ELP4: variants seen among roughly 807,000 people sequenced by gnomAD.
ELP4 encodes elongator acetyltransferase complex subunit 4.
Under a neutral mutation model 48.9 loss-of-function variants are expected in ELP4, and 51 were observed. The ratio of observed to expected loss-of-function variants is 1.04; its 90% CI spans 0.83 to 1.32. The LOEUF (loss-of-function observed/expected upper bound fraction) is 1.32, where lower values mean the gene tolerates loss of function less well. Among genes scored for constraint, ELP4 ranks in the 40% most tolerant of loss-of-function variants. The pLI, the probability that ELP4 is intolerant of heterozygous loss-of-function variation, is 0.00. For synonymous variants in ELP4, 210 were observed against 189.2 expected, an observed-to-expected ratio of 1.11 and a Z score of -0.90; for missense variants, 519 against 514.6, an observed-to-expected ratio of 1.01 and a Z score of -0.08.
intron 3 of ELP4, among the ~76,000 whole-genome samples, chr11:31,577,335 C>G (rs1339988730): frequency 6.6e-6 from 1 of 152,176 alleles, no homozygotes; most frequent in Non-Finnish European, 1.5e-5. Context: ...GATGGATTAA[C>G]AGCCAAATTC....
chr11:31,560,536 C>T (rs182608109), intron 3 of ELP4, among the ~76,000 whole-genome samples: 8 of 151,638 alleles, frequency 5.3e-5, no homozygotes, highest in African/African-American at 1.9e-4. Flanking sequence ...ATATATACCC[C>T]TATACAGTAA....
At chr11:31,774,324 A>G (rs1592300530) in intron 9 of ELP4, among the ~76,000 whole-genome samples, 1 of 152,142 alleles carries the variant, frequency 6.6e-6, no homozygotes, top group African/African-American at 2.4e-5. Flanking sequence ...GGTGGCTCCC[A>G]TTTTCTGACC....
chr11:31,635,036 CT>C (rs1335787540), intron 7 of ELP4, among the ~76,000 whole-genome samples: 5 of 151,916 alleles, frequency 3.3e-5, no homozygotes, highest in Non-Finnish European at 7.4e-5. Flanking sequence ...TTCCCTTGCT[CT>C]TTGAACATAA....
intron 9 of ELP4, among the ~76,000 whole-genome samples, chr11:31,701,516 C>T (rs920921363): frequency 1.3e-5 from 2 of 151,786 alleles, no homozygotes; most frequent in African/African-American, 4.8e-5. Context: ...TCTTGGGGCA[C>T]AGATATTGTA....
chr11:31,759,733 G>A (rs1360613336), intron 9 of ELP4, among the ~76,000 whole-genome samples: 4 of 148,340 alleles, frequency 2.7e-5, no homozygotes, highest in East Asian at 3.9e-4. Flanking sequence ...TTGAGACGGA[G>A]TCTCGCTCTG....
At position 31,705,871 on chromosome 11, in the gene ELP4, G is replaced by A. The variant is rs1235542799; in HGVS notation, c.1143+55650G>A. ...TAAATTTTGTTTGTTTATTTTTTTA[G>A]AGACAGGGTCTTGCTCTGTCACCCA... On this transcript the variant is annotated intron_variant, in intron 9 of 9. Transcript: ENST00000640961. Among the ~76,000 whole-genome samples, 9 of 151,456 alleles carry A rather than the reference G, an allele frequency of 5.9e-5. No individual in the cohort carries two copies. The East Asian group carries it at 1.5e-3, about 26-fold the overall frequency.
chr11:31,529,633 A>G (rs926227896), intron 2 of ELP4, among the ~76,000 whole-genome samples: 3 of 152,210 alleles, frequency 2.0e-5, no homozygotes, highest in Admixed American at 6.5e-5. Flanking sequence ...CCTGCTTTAT[A>G]TCTGCTGGAT....
chr11:31,518,513 T>TC (rs1206526634), intron 1 of ELP4, among the ~76,000 whole-genome samples: 3 of 150,462 alleles, frequency 2.0e-5, no homozygotes, highest in Non-Finnish European at 4.4e-5. Flanking sequence ...TTTTTTTTTT[T>TC]CTGAAACAGA....
In ELP4 at chr11:31,533,368, C is replaced by CTTTTTTTTTTTTTTTTTTTTTTTTTTTTT. The variant is rs71060492; in HGVS notation, c.260-6267_260-6266insTTTTTTTTTTTTTTTTTTTTTTTTTTTTT. On this transcript the variant is annotated intron_variant, in intron 2 of 9. Transcript: ENST00000640961. ...GTGTTGCTGCAAAAGCCATCTCATT[C>CTTTTTTTTTTTTTTTTTTTTTTTTTTTTT]TTTTTTTTTTTTTTTTTTTTTTTTT... is the stretch of plus-strand genomic sequence containing the variant. 1.4e-4 allele frequency among the ~76,000 whole-genome samples: 7 copies of CTTTTTTTTTTTTTTTTTTTTTTTTTTTTT among 50,476 alleles called. 2 individuals carry two copies. In the East Asian group the frequency reaches 2.2e-3, roughly 16 times the overall value. 33.1% of individuals were successfully genotyped at this position (50,476 alleles called of 152,430 possible).
chr11:31,513,988 T>TTG (rs1956058815), intron 1 of ELP4, among the ~76,000 whole-genome samples: 1 of 152,176 alleles, frequency 6.6e-6, no homozygotes, highest in Non-Finnish European at 1.5e-5. Context: ...TTCAAACCTT[T>TTG]ATTTTGATTC....
At chr11:31,637,997 G>A (rs544582798) in intron 7 of ELP4, among the ~76,000 whole-genome samples, 1 of 151,710 alleles carries the variant, frequency 6.6e-6, no homozygotes, top group Middle Eastern at 3.4e-3. Flanking sequence ...ATTTTTTAAG[G>A]CACTTTTACC....
intron 3 of ELP4, among the ~76,000 whole-genome samples, chr11:31,586,697 A>G (rs1393716187): frequency 6.6e-6 from 1 of 151,462 alleles, no homozygotes; most frequent in Non-Finnish European, 1.5e-5. Context: ...GCTGGAGTGC[A>G]GTGGCGCAAT....
Position 31,790,071 on chromosome 11 carries a change from A to G in ELP4, c.*6547A>G, listed in dbSNP as rs767614768. On this transcript the variant is annotated 3_prime_UTR_variant, in exon 10 of 10. Transcript: ENST00000640961. ...TGTAGATATTCCCTTTGAGAAACAG[A>G]CATGGAATACAAATTTATAGGTTTA... 3.7e-6 allele frequency: 3 copies of G among 808,868 alleles called. No individual in the cohort carries two copies. The South Asian group carries it at 4.5e-5, about 12-fold the overall frequency. The allele number at this position is 808,868 out of a possible 1,614,324, so 50.1% of individuals were successfully genotyped here.
intron 9 of ELP4, chr11:31,767,492 G>A (rs1948066183): frequency 6.6e-6 from 1 of 151,870 alleles, no homozygotes; most frequent in African/African-American, 2.4e-5. Context: ...ATCGGTATGA[G>A]AAATTACTTC....
chr11:31,537,712 A>G (rs1041083367), intron 2 of ELP4, among the ~76,000 whole-genome samples: 9 of 152,148 alleles, frequency 5.9e-5, no homozygotes, highest in Admixed American at 3.3e-4. Flanking sequence ...TCTCATGATA[A>G]CTCACTATCA....
At chr11:31,653,341 A>G (rs1945361592) in intron 9 of ELP4, 1 of 151,778 alleles carries the variant, frequency 6.6e-6, no homozygotes, top group South Asian at 2.1e-4. Flanking sequence ...TATAAGCTAT[A>G]TATAGTAACA....
chr11:31,670,461 C>T (rs887228962), intron 9 of ELP4, among the ~76,000 whole-genome samples: 2 of 151,838 alleles, frequency 1.3e-5, no homozygotes, highest in Non-Finnish European at 2.9e-5. Flanking sequence ...GTGTTGTGTC[C>T]CTGTCATCTT....
At chr11:31,632,428 T>G (rs1185079033) in intron 7 of ELP4, 23 bp downstream of exon 7, 4 of 1,579,128 alleles carry the variant, frequency 2.5e-6, no homozygotes, top group Non-Finnish European at 3.4e-6. Context: ...CAGAACTACT[T>G]TTTCATAATT....
intron 9 of ELP4, among the ~76,000 whole-genome samples, chr11:31,685,923 T>TC (rs1946150820): frequency 7.6e-6 from 1 of 132,106 alleles, no homozygotes; most frequent in African/African-American, 2.6e-5. Flanking sequence ...AGACTGAGAC[T>TC]CCATCTTAAA....
Sources: allele counts gnomAD v4.1 joint callset (sites outside exome capture counted in the v4.1 genomes callset), GRCh38; gene constraint gnomAD v4.1.1; transcripts MANE v1.5; gene names NCBI Gene and HGNC (gene_info 2026-07-23, HGNC 2026-07-21).